Variants in CLDND1 observed in about 807,000 individuals in gnomAD.
The protein encoded by CLDND1 is claudin domain containing 1.
A neutral mutation model predicts 26.3 loss-of-function variants in CLDND1; 13 were observed. That is an observed-to-expected ratio of 0.49 (90% confidence interval 0.32 to 0.78). CLDND1 has a LOEUF of 0.78. Ranked by LOEUF, CLDND1 falls within the 30% of genes least tolerant of loss-of-function variation. The pLI is 0.03. For synonymous variants in CLDND1, 107 were observed against 107.0 expected (o/e 1.00, Z 0.00); for missense variants, 289 against 312.8 (o/e 0.92, Z 0.57).
At chr3:98,522,819 T>A (rs1008315565) in intron 1 of CLDND1, 30 bp downstream of exon 1, 2 of 1,613,530 alleles carry the variant, frequency 1.2e-6, no homozygotes, top group Non-Finnish European at 1.7e-6. Context: ...ACGCGACCCC[T>A]GCCCGGCGAC....
intron 2 of CLDND1, chr3:98,520,803 A>G (rs946602363): frequency 4.5e-6 from 1 of 223,734 alleles, no homozygotes; most frequent in Non-Finnish European, 8.7e-6. Context: ...AATATTTTTA[A>G]AAGTCTTTCG....
chr3:98,517,687 T>C (rs889812084), intron 3 of CLDND1, among the ~76,000 whole-genome samples: 1 of 152,202 alleles, frequency 6.6e-6, no homozygotes, highest in Non-Finnish European at 1.5e-5. Flanking sequence ...ATGCTAATAT[T>C]ATGCCATTTT....
intron 1 of CLDND1, 21 bp downstream of exon 1, chr3:98,522,828 A>G: frequency 1.2e-6 from 2 of 1,613,720 alleles, no homozygotes; most frequent in African/African-American, 2.7e-5. Context: ...CTGCCCGGCG[A>G]CGCAGGTCCC....
chr3:98,515,639 AT>A lies in CLDND1; in HGVS notation c.*1019del. 1.7e-6 allele frequency: 2 copies of A among 1,148,284 alleles called. No homozygotes were observed. The highest frequency in any genetic ancestry group is 1.8e-5 in the South Asian group (1 of 54,334). 71.1% of individuals were successfully genotyped at this position (1,148,284 alleles called of 1,614,324 possible). On this transcript the variant is annotated 3_prime_UTR_variant, in exon 5 of 5. Coordinates refer to ENST00000341181, the MANE Select transcript of CLDND1 (RefSeq NM_001040181.2). ...TGTTTATAGACATACTTATAAAAAA[AT>A]GACTGAATTAGAAGACATTAAATAA...
chr3:98,519,812 C>T (rs1706325205), intron 2 of CLDND1, among the ~76,000 whole-genome samples: 1 of 152,200 alleles, frequency 6.6e-6, no homozygotes, highest in South Asian at 2.1e-4. Flanking sequence ...CAGTAGATGT[C>T]CTTTCCAACC....
At chr3:98,521,586 G>A (rs1278933061) in intron 1 of CLDND1, 144 bp from the exon 2 acceptor site, 4 of 1,517,872 alleles carry the variant, frequency 2.6e-6, no homozygotes. Context: ...TAGAAAGCAA[G>A]CATGTTTTTA....
rs375120327 is a variant in CLDND1, at chr3:98,516,989, T to C, written c.541+63A>G. On this transcript the variant is annotated intron_variant, in intron 4 of 4. Transcript: ENST00000341181. Reference sequence around the variant, plus strand: ...TTAATACGTGAACATTTCAGATTTATAACTCTTTGGTCCCTAAAGAGACAG... The same window carrying C: ...TTAATACGTGAACATTTCAGATTTACAACTCTTTGGTCCCTAAAGAGACAG... 21 of 1,608,710 alleles carry C rather than the reference T, an allele frequency of 1.3e-5. 1 individual carries two copies. The East Asian group carries it at 1.8e-4, about 14-fold the overall frequency.
At chr3:98,521,908 G>A in intron 1 of CLDND1, 1 of 556,538 alleles carries the variant, frequency 1.8e-6, no homozygotes. Flanking sequence ...AGTTTCCTCT[G>A]AAGAGGGAAG....
chr3:98,521,550 T>A, intron 1 of CLDND1, 108 bp from the exon 2 acceptor site: 2 of 1,461,704 alleles, frequency 1.4e-6, no homozygotes, highest in Non-Finnish European at 1.9e-6. Context: ...CATCCCTTCG[T>A]ACATATAACC....
rs929340514 is a variant in CLDND1, at chr3:98,521,247, C to G, written c.178G>C (p.Asp60His). 1.2e-6 allele frequency: 2 copies of G among 1,614,092 alleles called. No individual in the cohort carries two copies. The highest frequency in any genetic ancestry group is 1.7e-6 in the Non-Finnish European group (2 of 1,180,038). ...AGTGCATCATTATAAGTCTTTTCAT[C>G]TGCCTCATCACTAATGAATTCATCC... is the stretch of plus-strand genomic sequence containing the variant. ...IWDEFISDEA[D>H]EKTYNDALFR... Residue 60 changes from aspartate to histidine, a missense_variant, in exon 2 of 5, where the codon GAT (aspartate) becomes CAT (histidine). Transcript: ENST00000341181.
In CLDND1 at chr3:98,521,016, T is replaced by C. The variant is rs542978066; in HGVS notation, c.292+117A>G. On this transcript the variant is annotated intron_variant, in intron 2 of 4. Transcript: ENST00000341181. ...GTAGAAAGAGAAGATACACGATTTA[T>C]TTCTTTAAGGAGAGAGAGAACCAAC... 1.1e-4 allele frequency: 97 copies of C among 844,326 alleles called. 1 individual carries two copies. Among genetic ancestry groups the C allele is most frequent in the South Asian group, 7.6e-4 (45 of 59,228 alleles). 52.3% of individuals were successfully genotyped at this position (844,326 alleles called of 1,614,324 possible). A position where few individuals can be genotyped will look rare whatever the true frequency, so the allele number is the denominator to read the frequency against.
chr3:98,522,692 C>A, intron 1 of CLDND1, 157 bp downstream of exon 1: 10 of 1,474,170 alleles, frequency 6.8e-6, no homozygotes, highest in Non-Finnish European at 9.0e-6. Context: ...CGGTACCCGA[C>A]CAGGCCCCGC....
intron 2 of CLDND1, among the ~76,000 whole-genome samples, chr3:98,520,568 GTTT>G (rs75322770): frequency 0.015 from 2,137 of 144,834 alleles, 19 homozygotes; most frequent in South Asian, 0.033. Flanking sequence ...CTAGTTTTTG[GTTT>G]TTTTTTTTTA....
At position 98,516,002 on chromosome 3, in the gene CLDND1, G is replaced by GC. The variant is rs1348419002; in HGVS notation, c.*656dup. On this transcript the variant is annotated 3_prime_UTR_variant, in exon 5 of 5. Coordinates refer to ENST00000341181, the MANE Select transcript of CLDND1 (RefSeq NM_001040181.2). ...AGAGTTAAAAATAATACTAATCCTC[G>GC]CCCGGCTGAACTGGAATTCTTGCAG... 3 of 1,164,720 alleles carry GC rather than the reference G, an allele frequency of 2.6e-6. No homozygotes were observed. Among genetic ancestry groups the GC allele is most frequent in the South Asian group, 1.8e-5 (1 of 56,664 alleles). The allele number at this position is 1,164,720 out of a possible 1,614,324, so 72.1% of individuals were successfully genotyped here.
At chr3:98,517,364 A>C in intron 3 of CLDND1, 175 bp from the exon 4 acceptor site, 1 of 710,142 alleles carries the variant, frequency 1.4e-6, no homozygotes, top group South Asian at 2.0e-5. Context: ...TCTTGTCCTG[A>C]TAAAAGTAAA....
chr3:98,521,552 C>T (rs189730306), intron 1 of CLDND1, 110 bp from the exon 2 acceptor site: 35 of 1,458,424 alleles, frequency 2.4e-5, no homozygotes, highest in Admixed American at 2.4e-4. Flanking sequence ...TCCCTTCGTA[C>T]ATATAACCAT....
intron 3 of CLDND1, among the ~76,000 whole-genome samples, chr3:98,518,039 C>A (rs1342181001): frequency 6.6e-6 from 1 of 152,138 alleles, no homozygotes; most frequent in Non-Finnish European, 1.5e-5. Context: ...TATCATAAAT[C>A]TCTCATCAAC....
rs11553644 is a variant in CLDND1, at chr3:98,515,754, C to T, written c.*905G>A. On this transcript the variant is annotated 3_prime_UTR_variant, in exon 5 of 5. Transcript: ENST00000341181. ...AAGACCATAGTTGGAGGTTAATGGACAGCCAGAACTTTAGATCTTGTGGTA... is the reference window on the plus strand; with the variant it reads ...AAGACCATAGTTGGAGGTTAATGGATAGCCAGAACTTTAGATCTTGTGGTA... 7.8e-7 allele frequency: 1 copy of T among 1,289,652 alleles called. No individual in the cohort carries two copies. The highest frequency in any genetic ancestry group is 1.5e-5 in the African/African-American group (1 of 65,862). 79.9% of individuals were successfully genotyped at this position (1,289,652 alleles called of 1,614,324 possible). A position where few individuals can be genotyped will look rare whatever the true frequency, so the allele number is the denominator to read the frequency against.
At position 98,516,984 on chromosome 3, in the gene CLDND1, A is replaced by T; in HGVS notation, c.541+68T>A. ...GGCAGTTAATACGTGAACATTTCAGATTTATAACTCTTTGGTCCCTAAAGA... is the reference window on the plus strand; with the variant it reads ...GGCAGTTAATACGTGAACATTTCAGTTTTATAACTCTTTGGTCCCTAAAGA... On this transcript the variant is annotated intron_variant, in intron 4 of 4. Coordinates refer to ENST00000341181, the MANE Select transcript of CLDND1 (RefSeq NM_001040181.2). 5.0e-6 allele frequency: 8 copies of T among 1,608,498 alleles called. No individual in the cohort carries two copies. In the South Asian group the frequency reaches 7.7e-5, roughly 16 times the overall value.
Sources: gnomAD v4.1 joint callset for allele counts (sites outside exome capture counted in the v4.1 genomes callset) on GRCh38, gnomAD v4.1.1 for gene constraint, MANE v1.5 for transcripts, NCBI Gene and HGNC (gene_info 2026-07-23, HGNC 2026-07-21) for gene names.